Variants in SNX29 observed in about 807,000 individuals in gnomAD.
The protein encoded by SNX29 is sorting nexin 29, also known as sorting nexin-29.
A neutral mutation model predicts 102.1 loss-of-function variants in SNX29; 78 were observed. The ratio of observed to expected loss-of-function variants is 0.76; its 90% CI spans 0.64 to 0.92. The LOEUF (loss-of-function observed/expected upper bound fraction) is 0.92, where lower values mean the gene tolerates loss of function less well. Ranked by LOEUF, SNX29 falls within the 40% of genes least tolerant of loss-of-function variation. The pLI is 0.00. For missense variants in SNX29, 1,280 were observed against 1,061.7 expected, an observed-to-expected ratio of 1.21 and a Z score of -2.86; for synonymous variants, 580 against 414.5, an observed-to-expected ratio of 1.40 and a Z score of -4.85.
intron 15 of SNX29, among the ~76,000 whole-genome samples, chr16:12,289,543 C>G (rs1384095101): frequency 6.6e-6 from 1 of 152,192 alleles, no homozygotes; most frequent in Non-Finnish European, 1.5e-5. Context: ...TGCTGTTTCT[C>G]CACCCCATGT....
chr16:12,327,948 G>A (rs2081170929), intron 15 of SNX29, among the ~76,000 whole-genome samples: 1 of 152,168 alleles, frequency 6.6e-6, no homozygotes, highest in Non-Finnish European at 1.5e-5. Context: ...TAATCTCCGT[G>A]TGGAGTTGAA....
intron 14 of SNX29, among the ~76,000 whole-genome samples, chr16:12,272,574 C>T (rs2079123014): frequency 6.6e-6 from 1 of 152,230 alleles, no homozygotes; most frequent in African/African-American, 2.4e-5. Context: ...TAAGTGCAGG[C>T]TCCCCTCAAA....
intron 19 of SNX29, among the ~76,000 whole-genome samples, chr16:12,514,965 C>T (rs985910702): frequency 2.6e-5 from 4 of 152,058 alleles, no homozygotes; most frequent in Non-Finnish European, 4.4e-5. Flanking sequence ...AAAAGCCCCT[C>T]TCTCGATGGG....
intron 13 of SNX29, among the ~76,000 whole-genome samples, chr16:12,154,274 C>G (rs1391316290): frequency 6.6e-6 from 1 of 152,136 alleles, no homozygotes; most frequent in East Asian, 1.9e-4. Flanking sequence ...ACACATTTAC[C>G]TATTTTTAGA....
chr16:12,225,029 T>A (rs537422721), intron 14 of SNX29, among the ~76,000 whole-genome samples: 1 of 152,342 alleles, frequency 6.6e-6, no homozygotes, highest in African/African-American at 2.4e-5. Flanking sequence ...CTGTGGATCT[T>A]GACCTCCTCT....
intron 15 of SNX29, among the ~76,000 whole-genome samples, chr16:12,333,123 T>TTTTTTTTA (rs2081345065): frequency 6.6e-6 from 1 of 151,032 alleles, no homozygotes; most frequent in African/African-American, 2.4e-5. Context: ...TTTTTTTTTT[T>TTTTTTTTA]GAGGCAGAGT....
At chr16:12,533,146 G>C (rs2076977304) in intron 20 of SNX29, among the ~76,000 whole-genome samples, 1 of 152,232 alleles carries the variant, frequency 6.6e-6, no homozygotes, top group African/African-American at 2.4e-5. Context: ...GGCCGCCTTT[G>C]CCAGGCAGGG....
At chr16:12,013,904 G>GC (rs1426031930) in intron 3 of SNX29, among the ~76,000 whole-genome samples, 1 of 151,628 alleles carries the variant, frequency 6.6e-6, no homozygotes, top group African/African-American at 2.4e-5. Flanking sequence ...ACCCGCTTCG[G>GC]CCCCCCAAAG....
In SNX29 at chr16:12,098,917, G is replaced by GC. The variant is rs2141184536; in HGVS notation, c.1402+20004dup. 6.6e-6 allele frequency among the ~76,000 whole-genome samples: 1 copy of GC among 152,326 alleles called. No individual in the cohort carries two copies. Among genetic ancestry groups the GC allele is most frequent in the East Asian group, 1.9e-4 (1 of 5,178 alleles). ...CACAGGAGCTGAGCTGAGGAAGAGC[G>GC]CCTCCTGTCTGGCCCAAGTGGGCCA... On this transcript the variant is annotated intron_variant, in intron 11 of 20. Coordinates refer to ENST00000566228, the MANE Select transcript of SNX29 (RefSeq NM_032167.5). The surrounding 1 kb of genome is among the most constrained non-coding windows in gnomAD (Gnocchi z 6.0).
At chr16:11,981,309 T>C (rs879580027) in intron 1 of SNX29, among the ~76,000 whole-genome samples, 2 of 152,044 alleles carry the variant, frequency 1.3e-5, no homozygotes, top group South Asian at 2.1e-4. Context: ...TTTACCATGC[T>C]GGCCAGCTGG....
chr16:12,542,013 C>T (rs913936641), intron 20 of SNX29, among the ~76,000 whole-genome samples: 3 of 152,292 alleles, frequency 2.0e-5, no homozygotes, highest in African/African-American at 7.2e-5. Flanking sequence ...ACGTTTGCAG[C>T]ACCGCTCTGT....
intron 18 of SNX29, among the ~76,000 whole-genome samples, chr16:12,419,308 G>A (rs375135487): frequency 4.6e-5 from 7 of 152,210 alleles, no homozygotes; most frequent in South Asian, 2.1e-4. Flanking sequence ...AGCAGGACCC[G>A]GCCTGCCCCT....
At chr16:12,435,526 T>G (rs7190714) in intron 18 of SNX29, among the ~76,000 whole-genome samples, 8 of 152,188 alleles carry the variant, frequency 5.3e-5, no homozygotes, top group African/African-American at 1.9e-4. Flanking sequence ...CTACTTCCAT[T>G]TTTATGAATC....
At chr16:12,508,651 A>G (rs1040687575) in intron 19 of SNX29, among the ~76,000 whole-genome samples, 9 of 152,248 alleles carry the variant, frequency 5.9e-5, no homozygotes, top group East Asian at 3.9e-4. Context: ...CGCTTTACCA[A>G]CGTTCCTGGT....
chr16:12,563,283 G>T (rs67577857), intron 20 of SNX29, among the ~76,000 whole-genome samples: 8 of 151,824 alleles, frequency 5.3e-5, no homozygotes, highest in East Asian at 1.9e-4. Context: ...TCGGGTTCTG[G>T]ATCCACAGCT....
At chr16:12,357,115 C>T (rs1311970995) in intron 16 of SNX29, among the ~76,000 whole-genome samples, 1 of 152,244 alleles carries the variant, frequency 6.6e-6, no homozygotes, top group African/African-American at 2.4e-5. Flanking sequence ...TTTGTGCAGA[C>T]ATATAATAGC....
chr16:12,226,708 G>A (rs2077621365), intron 14 of SNX29, among the ~76,000 whole-genome samples: 1 of 151,956 alleles, frequency 6.6e-6, no homozygotes, highest in East Asian at 1.9e-4. Context: ...CGAGTAGCCG[G>A]GATTACAGGT....
chr16:12,546,803 T>C (rs955012424), intron 20 of SNX29: 2 of 152,094 alleles, frequency 1.3e-5, no homozygotes, highest in Non-Finnish European at 2.9e-5. Context: ...TACAGACAAT[T>C]AGGATTGCTT....
At chr16:12,079,817 C>A (rs930678880) in intron 11 of SNX29, among the ~76,000 whole-genome samples, 1 of 152,118 alleles carries the variant, frequency 6.6e-6, no homozygotes, top group African/African-American at 2.4e-5. Flanking sequence ...CATTTTAGCT[C>A]CAGCCATTTC....
Sources: gnomAD v4.1 joint callset for allele counts (sites outside exome capture counted in the v4.1 genomes callset) on GRCh38, gnomAD v4.1.1 for gene constraint, Gnocchi (gnomAD v3.1) non-coding constraint, MANE v1.5 for transcripts, NCBI Gene and HGNC (gene_info 2026-07-23, HGNC 2026-07-21) for gene names.